The following ADARB2 variants were observed in gnomAD, a reference collection of about 807,000 sequenced individuals.
ADARB2 encodes the protein adenosine deaminase RNA specific B2 (inactive), also known as inactive double-stranded RNA-specific editase B2.
Under a neutral mutation model 62.2 loss-of-function variants are expected in ADARB2, and 25 were observed. The ratio of observed to expected loss-of-function variants is 0.40; its 90% CI spans 0.29 to 0.56. The LOEUF is 0.56. Among genes scored for constraint, ADARB2 ranks in the 20% least tolerant of loss-of-function variants. The pLI is 0.43. For missense variants in ADARB2, 1,071 were observed against 1,077.4 expected (o/e 0.99, Z 0.08); for synonymous variants, 572 against 500.8 (o/e 1.14, Z -1.90).
intron 1 of ADARB2, among the ~76,000 whole-genome samples, chr10:1,411,315 G>C (rs1832757619): frequency 6.6e-6 from 1 of 152,196 alleles, no homozygotes; most frequent in African/African-American, 2.4e-5. Context: ...ACACAGTGCT[G>C]CTCCTTCAAG....
At chr10:1,420,552 T>C (rs1408017361) in intron 1 of ADARB2, among the ~76,000 whole-genome samples, 5 of 149,672 alleles carry the variant, frequency 3.3e-5, no homozygotes, top group Non-Finnish European at 7.4e-5. Flanking sequence ...CCATGGTTTT[T>C]CATGATGAAG....
chr10:1,504,531 G>A (rs1831811218), intron 1 of ADARB2, among the ~76,000 whole-genome samples: 1 of 152,208 alleles, frequency 6.6e-6, no homozygotes. Context: ...TCGGCTGGCT[G>A]TGCACTGCGT....
intron 3 of ADARB2, among the ~76,000 whole-genome samples, chr10:1,310,309 AGCTG>A (rs900669014): frequency 6.6e-6 from 1 of 152,240 alleles, no homozygotes; most frequent in African/African-American, 2.4e-5. Flanking sequence ...CTGGAGAAGC[AGCTG>A]GCACTGAGGC....
chr10:1,404,904 C>G (rs1038488375), intron 1 of ADARB2, among the ~76,000 whole-genome samples: 1 of 152,218 alleles, frequency 6.6e-6, no homozygotes, highest in African/African-American at 2.4e-5. Flanking sequence ...TACATTGGTC[C>G]TTTTCGTTAG....
At chr10:1,522,068 G>GA (rs1276419660) in intron 1 of ADARB2, among the ~76,000 whole-genome samples, 7 of 152,098 alleles carry the variant, frequency 4.6e-5, no homozygotes, top group Non-Finnish European at 7.4e-5. Context: ...AGATTGTTAC[G>GA]AAAAATGAAA....
intron 7 of ADARB2, among the ~76,000 whole-genome samples, chr10:1,207,328 A>T (rs1489617053): frequency 6.6e-6 from 1 of 152,206 alleles, no homozygotes; most frequent in East Asian, 1.9e-4. Flanking sequence ...CTGGGTGACA[A>T]GAGCAAGACT....
intron 1 of ADARB2, among the ~76,000 whole-genome samples, chr10:1,674,589 C>A (rs940894753): frequency 2.6e-5 from 4 of 152,178 alleles, no homozygotes; most frequent in Admixed American, 2.6e-4. Flanking sequence ...TTACTCCTGT[C>A]AAGCCCTTTG....
intron 1 of ADARB2, among the ~76,000 whole-genome samples, chr10:1,634,869 T>C (rs142467866): frequency 3.9e-4 from 60 of 152,350 alleles, no homozygotes; most frequent in African/African-American, 1.4e-3. Context: ...ATAAAACCAG[T>C]AGTTACTTTC....
intron 1 of ADARB2, among the ~76,000 whole-genome samples, chr10:1,510,112 CTTTCTTTCTTTCTTT>C (rs1831910142): frequency 1.4e-5 from 1 of 72,646 alleles, no homozygotes; most frequent in African/African-American, 6.5e-5. Flanking sequence ...TTCTTTCTCT[CTTTCTTTCTTTCTTT>C]CTTTCTTTCT....
intron 1 of ADARB2, among the ~76,000 whole-genome samples, chr10:1,707,513 T>C (rs1834904232): frequency 6.6e-6 from 1 of 152,228 alleles, no homozygotes; most frequent in South Asian, 2.1e-4. Flanking sequence ...GACGTCCTGA[T>C]GCGGAAAATT....
intron 1 of ADARB2, among the ~76,000 whole-genome samples, chr10:1,664,788 C>T (rs1339703959): frequency 6.6e-6 from 1 of 152,146 alleles, no homozygotes; most frequent in Non-Finnish European, 1.5e-5. Flanking sequence ...GCCCTGCCAT[C>T]CCCAGCCTAG....
chr10:1,340,856 A>G (rs1168445387), intron 3 of ADARB2, among the ~76,000 whole-genome samples: 3 of 143,128 alleles, frequency 2.1e-5, no homozygotes, highest in Admixed American at 6.9e-5. Context: ...CCACAGTGGC[A>G]ATAACCAGCA....
chr10:1,494,620 T>C lies in ADARB2; in HGVS notation c.101-115460A>G, dbSNP rs528879366. Among the ~76,000 whole-genome samples, 19 of 152,348 alleles carry C rather than the reference T, an allele frequency of 1.2e-4. No individual in the cohort carries two copies. In the East Asian group the frequency reaches 2.9e-3, roughly 23 times the overall value. On this transcript the variant is annotated intron_variant, in intron 1 of 9. Coordinates refer to ENST00000381312, the MANE Select transcript of ADARB2 (RefSeq NM_018702.4). ...TGCTGAGTACCCTTTAGCTCCACTT[T>C]TTTTTTGAAGTATGGCAAACTTACT... is the stretch of plus-strand genomic sequence containing the variant.
At chr10:1,431,465 C>T (rs1830777397) in intron 1 of ADARB2, among the ~76,000 whole-genome samples, 1 of 152,060 alleles carries the variant, frequency 6.6e-6, no homozygotes, top group Admixed American at 6.5e-5. Flanking sequence ...GCACATTTAG[C>T]ACTTATACAT....
chr10:1,645,019 T>C (rs1834021924), intron 1 of ADARB2, among the ~76,000 whole-genome samples: 1 of 152,164 alleles, frequency 6.6e-6, no homozygotes, highest in Non-Finnish European at 1.5e-5. Flanking sequence ...GGAGGGTGTT[T>C]ATGTGGTCAG....
chr10:1,293,881 TTTAC>T (rs1458119510), intron 3 of ADARB2, among the ~76,000 whole-genome samples: 1 of 152,102 alleles, frequency 6.6e-6, no homozygotes, highest in African/African-American at 2.4e-5. Context: ...TAAAACAGAC[TTTAC>T]TCACTGATGC....
intron 1 of ADARB2, among the ~76,000 whole-genome samples, chr10:1,396,660 C>T (rs1433285181): frequency 1.0e-4 from 15 of 149,362 alleles, no homozygotes; most frequent in African/African-American, 3.5e-4. Flanking sequence ...TCCTCCTCTC[C>T]CCTCCCGAGT....
At chr10:1,405,629 C>CAAAAAAAAAAAAAAAAAAAAAAAAAA (rs3029747) in intron 1 of ADARB2, among the ~76,000 whole-genome samples, 1 of 86,940 alleles carries the variant, frequency 1.2e-5, no homozygotes, top group Non-Finnish European at 2.3e-5. Context: ...GATTCAGTCT[C>CAAAAAAAAAAAAAAAAAAAAAAAAAA]AAAAAAAAAA....
chr10:1,253,166 G>T (rs1030670649), intron 4 of ADARB2, among the ~76,000 whole-genome samples: 4 of 152,200 alleles, frequency 2.6e-5, no homozygotes, highest in Non-Finnish European at 4.4e-5. Flanking sequence ...ACATGTGCCT[G>T]ATACACAGCA....
Sources: gnomAD v4.1 joint callset for allele counts (sites outside exome capture counted in the v4.1 genomes callset) on GRCh38, gnomAD v4.1.1 for gene constraint, MANE v1.5 for transcripts, NCBI Gene and HGNC (gene_info 2026-07-23, HGNC 2026-07-21) for gene names.